Variants in SLC35F3 observed in about 807,000 individuals in gnomAD.
SLC35F3 encodes the protein solute carrier family 35 member F3, also known as putative thiamine transporter SLC35F3.
Under a neutral mutation model 49.9 loss-of-function variants are expected in SLC35F3, and 25 were observed. That is an observed-to-expected ratio of 0.50 (90% CI 0.37 to 0.70). The LOEUF (loss-of-function observed/expected upper bound fraction) is 0.70, where lower values mean the gene tolerates loss of function less well. Ranked by LOEUF, SLC35F3 falls within the 30% of genes least tolerant of loss-of-function variation. The pLI, the probability that SLC35F3 is intolerant of heterozygous loss-of-function variation, is 0.00. For missense variants in SLC35F3, 525 were observed against 639.8 expected, an observed-to-expected ratio of 0.82 and a Z score of 1.94; for synonymous variants, 275 against 265.4, an observed-to-expected ratio of 1.04 and a Z score of -0.35.
chr1:234,281,373 T>A (rs1668322767), intron 3 of SLC35F3, among the ~76,000 whole-genome samples: 3 of 152,070 alleles, frequency 2.0e-5, no homozygotes, highest in Admixed American at 2.0e-4. Flanking sequence ...CGTGAACAAA[T>A]AAGAATGTGT....
At chr1:234,010,133 A>G (rs1444858027) in intron 2 of SLC35F3, among the ~76,000 whole-genome samples, 1 of 152,224 alleles carries the variant, frequency 6.6e-6, no homozygotes, top group African/African-American at 2.4e-5. Context: ...ACGAGGCTTA[A>G]AAGAAAAATT....
chr1:234,085,111 T>G (rs575427642), intron 2 of SLC35F3, among the ~76,000 whole-genome samples: 2 of 152,346 alleles, frequency 1.3e-5, no homozygotes, highest in African/African-American at 4.8e-5. Context: ...GAAAGGAGGT[T>G]AGCCTAGAAG....
intron 2 of SLC35F3, among the ~76,000 whole-genome samples, chr1:234,052,150 CT>C (rs1664386957): frequency 6.6e-6 from 1 of 152,138 alleles, no homozygotes; most frequent in Admixed American, 6.5e-5. Context: ...TGATGCTGGC[CT>C]CATAAAATGA....
At position 234,072,569 on chromosome 1, in the gene SLC35F3, A is replaced by G. The variant is rs1034298125; in HGVS notation, c.284-158848A>G. Among the ~76,000 whole-genome samples, 5 of 152,236 alleles carry G rather than the reference A, an allele frequency of 3.3e-5. No individual in the cohort carries two copies. In the South Asian group the frequency reaches 8.3e-4, roughly 25 times the overall value. On this transcript the variant is annotated intron_variant, in intron 2 of 7. Transcript: ENST00000366618. ...CCTGGGACAGACAGGAGAACTTGCC[A>G]TTTTCTATGCGGTGACCGGGGAAGT...
intron 2 of SLC35F3, among the ~76,000 whole-genome samples, chr1:234,168,899 A>G (rs1381507224): frequency 6.6e-6 from 1 of 152,168 alleles, no homozygotes. Context: ...AGAGATCTAT[A>G]GAAGAGGAGA....
chr1:234,170,910 T>C (rs547881872), intron 2 of SLC35F3, among the ~76,000 whole-genome samples: 15 of 152,358 alleles, frequency 9.8e-5, no homozygotes, highest in African/African-American at 3.6e-4. Flanking sequence ...AGCAGTCTTG[T>C]TGGGTGAAGC....
chr1:234,098,034 TTGG>T lies in SLC35F3; in HGVS notation c.284-133370_284-133368del, dbSNP rs1235398541. ...GGTGATGATGGAGGTGGTGACTGTG[TTGG>T]TGGTGGTGGTGGCAGTTCAGATGGT... On this transcript the variant is annotated intron_variant, in intron 2 of 7. Coordinates refer to ENST00000366618, the MANE Select transcript of SLC35F3 (RefSeq NM_173508.4). Among the ~76,000 whole-genome samples, 570 of 141,874 alleles carry T rather than the reference TTGG, an allele frequency of 4.0e-3. 8 individuals carry two copies. The highest frequency in any genetic ancestry group is 0.014 in the African/African-American group (519 of 37,632). The allele number at this position is 141,874 out of a possible 152,430, so 93.1% of individuals were successfully genotyped here.
At chr1:233,990,505 G>A (rs537770898) in intron 2 of SLC35F3, among the ~76,000 whole-genome samples, 2 of 152,176 alleles carry the variant, frequency 1.3e-5, no homozygotes, top group Non-Finnish European at 2.9e-5. Flanking sequence ...TACTCACTTT[G>A]AGTTGTAAAA....
intron 3 of SLC35F3, among the ~76,000 whole-genome samples, chr1:234,237,151 A>G (rs1267213312): frequency 6.6e-6 from 1 of 151,580 alleles, no homozygotes; most frequent in African/African-American, 2.4e-5. Flanking sequence ...TTTTAGTATA[A>G]TCAGAGCTGC....
At chr1:234,242,279 G>A (rs774913709) in intron 3 of SLC35F3, among the ~76,000 whole-genome samples, 56 of 152,292 alleles carry the variant, frequency 3.7e-4, no homozygotes, top group Non-Finnish European at 6.5e-4. Context: ...CTTGGGCCAG[G>A]CCTCCCTTCC....
At chr1:234,056,580 C>A (rs1352501176) in intron 2 of SLC35F3, among the ~76,000 whole-genome samples, 1 of 152,178 alleles carries the variant, frequency 6.6e-6, no homozygotes, top group Non-Finnish European at 1.5e-5. Flanking sequence ...TATAGATGTG[C>A]CTATTCTGGA....
chr1:233,968,737 G>A (rs564960559), intron 2 of SLC35F3, among the ~76,000 whole-genome samples: 6 of 152,132 alleles, frequency 3.9e-5, no homozygotes, highest in South Asian at 2.1e-4. Context: ...CACCCATCTC[G>A]TCCTCCCAAA....
Position 233,957,916 on chromosome 1 carries a change from A to C in SLC35F3, c.283+52158A>C, listed in dbSNP as rs1474490368. On this transcript the variant is annotated intron_variant, in intron 2 of 7. Coordinates refer to ENST00000366618, the MANE Select transcript of SLC35F3 (RefSeq NM_173508.4). The surrounding 1 kb of genome is among the most constrained non-coding windows in gnomAD (Gnocchi z 4.0). The stretch of plus-strand genomic sequence containing the variant: ...CTGCTGGTAGTTCTTGAGGCCTTTT[A>C]TATGTTTGTGGTCAAGTGGGTCTAG... Among the ~76,000 whole-genome samples, 1 of 152,014 alleles carries C rather than the reference A, an allele frequency of 6.6e-6. No individual in the cohort carries two copies. Among genetic ancestry groups the C allele is most frequent in the Non-Finnish European group, 1.5e-5 (1 of 68,008 alleles).
In SLC35F3 at chr1:234,323,197, G is replaced by A. The variant is rs748696372; in HGVS notation, c.1427G>A (p.Gly476Glu). The A allele has an allele frequency of 1.5e-5, 24 of 1,613,986 alleles. No homozygotes were observed. The highest frequency in any genetic ancestry group is 2.2e-5 in the East Asian group (1 of 44,902). The change falls in exon 8 of 8, where the codon GGA becomes GAA. Residue 476 changes from glycine to glutamate, a missense_variant. Physicochemically the swap from Gly to Glu is moderately conservative, Grantham distance 98. Around this residue, in one of 4 missense-constraint regions of SLC35F3, gnomAD observed 76 missense variants for 95.6 expected, o/e 0.80. Transcript: ENST00000366618. The surrounding 1 kb of genome is among the most constrained non-coding windows in gnomAD (Gnocchi z 4.5). The stretch of plus-strand genomic sequence containing the variant: ...GAGGGCGCTGCCGACCTGAGCTCAG[G>A]ACCTCAGAGCAAGAACAGAAGAGCC... ...PAEGAADLSS[G>E]PQSKNRRARP... is the part of the protein sequence containing the mutation.
intron 2 of SLC35F3, among the ~76,000 whole-genome samples, chr1:234,176,790 A>G (rs1338804013): frequency 1.3e-5 from 2 of 152,180 alleles, no homozygotes; most frequent in African/African-American, 4.8e-5. Context: ...GCCTACTTTA[A>G]TTAAAAAACA....
chr1:234,178,540 C>T (rs982393385), intron 2 of SLC35F3, among the ~76,000 whole-genome samples: 6 of 152,090 alleles, frequency 3.9e-5, no homozygotes, highest in Non-Finnish European at 5.9e-5. Flanking sequence ...TAACCCCTTG[C>T]TCCCATACCC....
At chr1:233,908,242 C>T (rs1661808413) in intron 2 of SLC35F3, among the ~76,000 whole-genome samples, 1 of 151,638 alleles carries the variant, frequency 6.6e-6, no homozygotes. Context: ...GTTATGGAAG[C>T]TCCAAGCTAT....
At chr1:234,267,587 AGAGGCACCCCTCACCTCCTGGAT>A (rs1369723079) in intron 3 of SLC35F3, among the ~76,000 whole-genome samples, 1 of 148,748 alleles carries the variant, frequency 6.7e-6, no homozygotes, top group Non-Finnish European at 1.5e-5. Flanking sequence ...GCGGCCGGGC[AGAGGCACCCCTCACCTCCTGGAT>A]GGGGCGGCTG....
chr1:234,168,136 A>C (rs1374612249), intron 2 of SLC35F3, among the ~76,000 whole-genome samples: 2 of 152,166 alleles, frequency 1.3e-5, no homozygotes, highest in Admixed American at 1.3e-4. Context: ...AGAACCTCTA[A>C]AGTGGCAAGC....
Sources: gnomAD v4.1 joint callset for allele counts (sites outside exome capture counted in the v4.1 genomes callset) on GRCh38, gnomAD v4.1.1 for gene constraint, gnomAD v4.1.1 regional missense constraint, Gnocchi (gnomAD v3.1) non-coding constraint, MANE v1.5 for transcripts, NCBI Gene and HGNC (gene_info 2026-07-23, HGNC 2026-07-21) for gene names.